ZNF790: variants seen among roughly 807,000 people sequenced by gnomAD.
The protein encoded by ZNF790 is zinc finger protein 790.
ZNF790 carries 8 observed loss-of-function variants against 12.1 expected under a neutral mutation model. The ratio of observed to expected loss-of-function variants is 0.66; its 90% CI spans 0.39 to 1.19. ZNF790 has a LOEUF of 1.19. ZNF790 is among the 50% of genes most tolerant of loss of function. The pLI, the probability that ZNF790 is intolerant of heterozygous loss-of-function variation, is 0.01. For synonymous variants in ZNF790, 252 were observed against 244.3 expected (o/e 1.03, Z -0.29); for missense variants, 707 against 752.2 (o/e 0.94, Z 0.70).
chr19:36,823,375 A>C lies in ZNF790; in HGVS notation c.139T>G (p.Cys47Gly). 1 of 1,613,788 alleles carries C rather than the reference A, an allele frequency of 6.2e-7. No homozygotes were observed. The highest frequency in any genetic ancestry group is 8.5e-7 in the Non-Finnish European group (1 of 1,179,820). ...GAGAACGCTTCTGGCTGATAAATGC[A>C]AAAACCTGCCCAGAAGATGAGAAAC... ...NYSNMVSLGF[C>G]IYQPEAFSLL... The change falls in exon 4 of 5, where the codon TGC becomes GGC. Residue 47 changes from cysteine (C) to glycine (G), a missense_variant. Cys to Gly is a radical substitution (Grantham distance 159). Transcript: ENST00000356725.
At chr19:36,839,791 G>A (rs184463795), upstream of ZNF790, among the ~76,000 whole-genome samples, 84 of 152,274 alleles carry the variant, frequency 5.5e-4, no homozygotes, top group African/African-American at 1.8e-3. Context: ...AGCTGGACGC[G>A]GTGGCTCACG....
chr19:36,826,281 A>T (rs2445877), intron 1 of ZNF790, among the ~76,000 whole-genome samples: 51,696 of 151,792 alleles, frequency 0.34, 9,624 homozygotes, highest in African/African-American at 0.49. Flanking sequence ...GTGAAGCACG[A>T]ACTTTTATTA....
At chr19:36,841,885 A>AT (rs201434175), upstream of ZNF790, among the ~76,000 whole-genome samples, 7,985 of 148,542 alleles carry the variant, frequency 0.054, 313 homozygotes, top group Non-Finnish European at 0.083. Flanking sequence ...AGTTATTATT[A>AT]TTTTTTTTTG....
chr19:36,829,272 T>C (rs919509210), intron 1 of ZNF790, among the ~76,000 whole-genome samples: 13 of 152,190 alleles, frequency 8.5e-5, no homozygotes, highest in African/African-American at 3.1e-4. Flanking sequence ...TGGCTATCAC[T>C]CCTTGGCTTC....
chr19:36,834,881 C>T (rs2072012888), intron 1 of ZNF790, among the ~76,000 whole-genome samples: 1 of 152,158 alleles, frequency 6.6e-6, no homozygotes, highest in Admixed American at 6.5e-5. Flanking sequence ...AAGCAGAGGC[C>T]ATGATCTTGA....
upstream of ZNF790, among the ~76,000 whole-genome samples, chr19:36,841,483 G>A (rs190508022): frequency 4.6e-5 from 7 of 151,962 alleles, no homozygotes; most frequent in East Asian, 1.4e-3. Flanking sequence ...AGCTGGGTAT[G>A]GTGGCTCGTG....
upstream of ZNF790, among the ~76,000 whole-genome samples, chr19:36,839,327 G>A (rs766184320): frequency 7.9e-5 from 12 of 152,206 alleles, no homozygotes; most frequent in Non-Finnish European, 1.8e-4. Context: ...TGTAAGTTCA[G>A]TATAACTCCA....
Position 36,818,917 on chromosome 19 carries a change from C to T in ZNF790, c.1427G>A (p.Arg476Lys). 5.0e-6 allele frequency: 8 copies of T among 1,610,320 alleles called. No homozygotes were observed. Among genetic ancestry groups the T allele is most frequent in the Non-Finnish European group, 6.8e-6 (8 of 1,177,452 alleles). The part of the protein sequence containing the change: ...NRHQKIHTGE[R>K]NYECKECGKT... ...TCCACATTCCTTACATTCATAGTTT[C>T]TCTCACCAGTATGAATTTTCTGATG... The change falls in exon 5 of 5, where the codon AGA (arginine) becomes AAA (lysine). Residue 476 changes from arginine (R) to lysine (K), a missense_variant. Physicochemically the swap from Arg to Lys is conservative, Grantham distance 26 (BLOSUM62 2). Transcript: ENST00000356725.
At chr19:36,833,661 A>G (rs2071985451) in intron 1 of ZNF790, among the ~76,000 whole-genome samples, 1 of 152,238 alleles carries the variant, frequency 6.6e-6, no homozygotes, top group African/African-American at 2.4e-5. Context: ...TCAAGACACC[A>G]TAGATTTCAG....
intron 4 of ZNF790, among the ~76,000 whole-genome samples, chr19:36,823,051 G>A (rs2071711262): frequency 6.6e-6 from 1 of 151,578 alleles, no homozygotes; most frequent in African/African-American, 2.4e-5. Context: ...TTTTGTTTTT[G>A]TTTTTTTAGT....
upstream of ZNF790, among the ~76,000 whole-genome samples, chr19:36,839,794 G>A (rs1028368035): frequency 6.6e-6 from 1 of 152,290 alleles, no homozygotes. Context: ...TGGACGCGGT[G>A]GCTCACGCCT....
chr19:36,830,462 C>T (rs2071925003), intron 1 of ZNF790, among the ~76,000 whole-genome samples: 1 of 152,154 alleles, frequency 6.6e-6, no homozygotes, highest in African/African-American at 2.4e-5. Flanking sequence ...AGGATTTTTA[C>T]ACCCATATTC....
intron 1 of ZNF790, among the ~76,000 whole-genome samples, chr19:36,832,136 A>G (rs1249558887): frequency 6.6e-6 from 1 of 152,244 alleles, no homozygotes; most frequent in African/African-American, 2.4e-5. Flanking sequence ...TACTGTTGAC[A>G]TGCGCTGTTT....
intron 1 of ZNF790, among the ~76,000 whole-genome samples, chr19:36,831,578 A>G (rs541328103): frequency 2.0e-5 from 3 of 152,324 alleles, no homozygotes; most frequent in South Asian, 4.1e-4. Context: ...AGATCTGACA[A>G]ATGCCACAGA....
chr19:36,828,925 T>A (rs950271231), intron 1 of ZNF790, among the ~76,000 whole-genome samples: 26 of 152,106 alleles, frequency 1.7e-4, no homozygotes, highest in Admixed American at 8.5e-4. Flanking sequence ...GAAAGAACAA[T>A]GTCTGTGGAA....
chr19:36,830,914 C>T (rs1158335047), intron 1 of ZNF790, among the ~76,000 whole-genome samples: 1 of 152,116 alleles, frequency 6.6e-6, no homozygotes, highest in Non-Finnish European at 1.5e-5. Context: ...CCAAAGCGGG[C>T]GGATCACGAG....
chr19:36,832,801 T>C (rs1169790884), intron 1 of ZNF790, among the ~76,000 whole-genome samples: 2 of 151,958 alleles, frequency 1.3e-5, no homozygotes, highest in Non-Finnish European at 2.9e-5. Flanking sequence ...GAATAGAAAA[T>C]AGACTAGCTC....
In ZNF790 at chr19:36,819,917, G is replaced by A. The variant is rs745489011; in HGVS notation, c.427C>T (p.Arg143Cys). 143 of 1,613,946 alleles carry A rather than the reference G, an allele frequency of 8.9e-5. 1 individual carries two copies. Among genetic ancestry groups the A allele is most frequent in the East Asian group, 6.0e-4 (27 of 44,882 alleles). Residue 143 changes from arginine (R) to cysteine (C), a missense_variant, in exon 5 of 5, where the codon CGC (arginine) becomes TGC (cysteine). Transcript: ENST00000356725. Reference sequence around the variant, plus strand: ...AAAGTGGGCCTTTTTTCACAGGTGCGTATCACCTGCTTGAAGCATTCCTCT... The same window carrying A: ...AAAGTGGGCCTTTTTTCACAGGTGCATATCACCTGCTTGAAGCATTCCTCT... ...NQEECFKQVI[R>C]TCEKRPTFNQ...
rs1600660953 is a variant in ZNF790, at chr19:36,829,113, T to C, written c.-73-3421A>G. Among the ~76,000 whole-genome samples the C allele has an allele frequency of 2.6e-5, 4 of 152,286 alleles. 1 individual carries two copies. In the South Asian group the frequency reaches 8.3e-4, roughly 32 times the overall value. ...AAAACACATTGGTTGTATTTTTTTTTTAAAGCTTTATTGAAATATAATTCA... is the reference window on the plus strand; with the variant it reads ...AAAACACATTGGTTGTATTTTTTTTCTAAAGCTTTATTGAAATATAATTCA... On this transcript the variant is annotated intron_variant, in intron 1 of 4. Transcript: ENST00000356725.
Sources: gnomAD v4.1 joint callset for allele counts (sites outside exome capture counted in the v4.1 genomes callset) on GRCh38, gnomAD v4.1.1 for gene constraint, MANE v1.5 for transcripts, NCBI Gene and HGNC (gene_info 2026-07-23, HGNC 2026-07-21) for gene names.